XPO6: variants seen among roughly 807,000 people sequenced by gnomAD.
XPO6 encodes exportin-6.
A neutral mutation model predicts 130.0 loss-of-function variants in XPO6; 3 were observed. The ratio of observed to expected loss-of-function variants is 0.02; its 90% CI spans 0.01 to 0.06. The LOEUF (loss-of-function observed/expected upper bound fraction) is 0.06, where lower values mean the gene tolerates loss of function less well. XPO6 is among the 10% of genes least tolerant of loss of function. XPO6 has a pLI of 1.00. For synonymous variants in XPO6, 524 were observed against 548.9 expected (o/e 0.95, Z 0.63); for missense variants, 970 against 1,393.0 (o/e 0.70, Z 4.83).
chr16:28,195,872 A>G (rs1596965804), intron 1 of XPO6, among the ~76,000 whole-genome samples: 2 of 152,204 alleles, frequency 1.3e-5, no homozygotes, highest in East Asian at 1.9e-4. Flanking sequence ...CCGCACATTT[A>G]CTAAGGTCTT....
rs1567600401 is a variant in XPO6, at chr16:28,117,430, T to C, written c.1892A>G (p.Tyr631Cys). 6.2e-7 allele frequency: 1 copy of C among 1,613,956 alleles called. No homozygotes were observed. The highest frequency in any genetic ancestry group is 8.5e-7 in the Non-Finnish European group (1 of 1,180,008). ...GCAATACTGTGCTAACCAGTGAGAGTAAGCCTGCAGCGCAGCCAGGGACTG... is the reference window on the plus strand; with the variant it reads ...GCAATACTGTGCTAACCAGTGAGAGCAAGCCTGCAGCGCAGCCAGGGACTG... The part of the protein sequence containing the change: ...HAQSLAALQA[Y>C]SHWLAQYCSE... Residue 631 changes from tyrosine to cysteine, a missense_variant, in exon 15 of 24, where the codon TAC becomes TGC. Physicochemically the swap from Tyr to Cys is radical, Grantham distance 194 (BLOSUM62 -2). Around this residue, in one of 4 missense-constraint regions of XPO6, gnomAD observed 936 missense variants for 1,306.8 expected, o/e 0.72. Transcript: ENST00000304658.
chr16:28,143,748 T>G (rs530625647), intron 9 of XPO6, among the ~76,000 whole-genome samples: 1 of 152,276 alleles, frequency 6.6e-6, no homozygotes, highest in South Asian at 2.1e-4. Flanking sequence ...GAGATTCTCC[T>G]GCCTCAGCCT....
intron 1 of XPO6, among the ~76,000 whole-genome samples, chr16:28,206,191 T>C (rs1567654474): frequency 6.6e-6 from 1 of 151,760 alleles, no homozygotes; most frequent in Non-Finnish European, 1.5e-5. Flanking sequence ...TATTGTTAGA[T>C]TGTAACCACA....
chr16:28,132,561 C>A lies in XPO6; in HGVS notation c.1537-158G>T, dbSNP rs2042692183. Among the ~76,000 whole-genome samples, 3 of 150,402 alleles carry A rather than the reference C, an allele frequency of 2.0e-5. No individual in the cohort carries two copies. In the South Asian group the frequency reaches 6.3e-4, roughly 32 times the overall value. On this transcript the variant is annotated intron_variant, in intron 11 of 23. Coordinates refer to ENST00000304658, the MANE Select transcript of XPO6 (RefSeq NM_015171.4). This position sits in a 1 kb window ranked among gnomAD's most constrained non-coding sequence, Gnocchi z 4.0. ...TTAAATGCAGCTAAAAAGCTATGAC[C>A]CCCCTTCAGTGCCCCCCAACTAGTT...
At chr16:28,157,412 G>A (rs1403420224) in intron 6 of XPO6, among the ~76,000 whole-genome samples, 1 of 151,994 alleles carries the variant, frequency 6.6e-6, no homozygotes, top group Non-Finnish European at 1.5e-5. Context: ...CTAAGATCAC[G>A]CCATTGCACT....
chr16:28,189,631 C>G (rs11866521), intron 1 of XPO6, among the ~76,000 whole-genome samples: 3 of 151,848 alleles, frequency 2.0e-5, no homozygotes, highest in Admixed American at 2.0e-4. Flanking sequence ...ACAACCACAG[C>G]ATGTAACAGG....
At chr16:28,189,957 C>G (rs573153309) in intron 1 of XPO6, among the ~76,000 whole-genome samples, 4 of 152,326 alleles carry the variant, frequency 2.6e-5, no homozygotes, top group African/African-American at 9.6e-5. Flanking sequence ...CTGTCTCTTC[C>G]TCTAATTACT....
At chr16:28,146,473 C>T (rs947961549) in intron 8 of XPO6, among the ~76,000 whole-genome samples, 4 of 152,198 alleles carry the variant, frequency 2.6e-5, no homozygotes, top group African/African-American at 7.2e-5. Context: ...AAAAACCTAT[C>T]TTAAAATCTG....
At chr16:28,153,666 G>C in intron 7 of XPO6, 6 of 985,336 alleles carry the variant, frequency 6.1e-6, no homozygotes, top group Non-Finnish European at 7.2e-6. Context: ...ATACCAAAAG[G>C]TGATTAGAAA....
intron 21 of XPO6, 78 bp from the exon 22 acceptor site, chr16:28,102,023 G>A: frequency 4.8e-6 from 6 of 1,239,592 alleles, no homozygotes; most frequent in Non-Finnish European, 5.8e-6. Context: ...AGAAGAACAA[G>A]TGCCAGGGCC....
At position 28,106,568 on chromosome 16, in the gene XPO6, C is replaced by A. The variant is rs2074082; in HGVS notation, c.2498-71G>T. 8,958 of 1,253,144 alleles carry A rather than the reference C, an allele frequency of 7.1e-3. 525 individuals carry two copies. The East Asian group carries it at 0.14, about 20-fold the overall frequency. 77.6% of individuals were successfully genotyped at this position (1,253,144 alleles called of 1,614,324 possible). A position where few individuals can be genotyped will look rare whatever the true frequency, so the allele number is the denominator to read the frequency against. Reference sequence around the variant, plus strand: ...GAACCAGAACCCTGGGCTTCATCAACCTACTCCTGAAATCTGCACTATCAG... The same window carrying A: ...GAACCAGAACCCTGGGCTTCATCAAACTACTCCTGAAATCTGCACTATCAG... On this transcript the variant is annotated intron_variant, in intron 18 of 23. Coordinates refer to ENST00000304658, the MANE Select transcript of XPO6 (RefSeq NM_015171.4). The surrounding 1 kb of genome is among the most constrained non-coding windows in gnomAD (Gnocchi z 4.2).
Position 28,206,139 on chromosome 16 carries a change from T to TACACACACACAC in XPO6, c.3+5215_3+5226dup, listed in dbSNP as rs138219018. Among the ~76,000 whole-genome samples, 7 of 142,844 alleles carry TACACACACACAC rather than the reference T, an allele frequency of 4.9e-5. No individual in the cohort carries two copies. The East Asian group carries it at 1.4e-3, about 29-fold the overall frequency. The allele number at this position is 142,844 out of a possible 152,430, so 93.7% of individuals were successfully genotyped here. ...AAGATGCCTGGCATATAGAAAGCAA[T>TACACACACACAC]ACACACACACACACACACACACACA... On this transcript the variant is annotated intron_variant, in intron 1 of 23. Transcript: ENST00000304658.
At chr16:28,128,418 C>T (rs2042602450) in intron 12 of XPO6, among the ~76,000 whole-genome samples, 1 of 152,142 alleles carries the variant, frequency 6.6e-6, no homozygotes, top group Non-Finnish European at 1.5e-5. Context: ...CTTCATTTCG[C>T]ACCTCCACCT....
At chr16:28,211,335 C>T in intron 1 of XPO6, 31 bp downstream of exon 1, 4 of 1,311,972 alleles carry the variant, frequency 3.0e-6, no homozygotes, top group Non-Finnish European at 3.9e-6. Flanking sequence ...TAGGGCACCC[C>T]AGGAGGGAAG....
At position 28,133,369 on chromosome 16, in the gene XPO6, T is replaced by G. The variant is rs914641968; in HGVS notation, c.1536+472A>C. Among the ~76,000 whole-genome samples, 9 of 152,068 alleles carry G rather than the reference T, an allele frequency of 5.9e-5. 1 individual carries two copies. Among genetic ancestry groups the G allele is most frequent in the African/African-American group, 2.2e-4 (9 of 41,426 alleles). On this transcript the variant is annotated intron_variant, in intron 11 of 23. Coordinates refer to ENST00000304658, the MANE Select transcript of XPO6 (RefSeq NM_015171.4). ...AAAAAAAATTACCCTAATAACTGCC[T>G]TGCCTTGAAGAAGTGATGAATTTAA...
At chr16:28,167,408 C>G (rs940807965) in intron 5 of XPO6, 1 of 984,088 alleles carries the variant, frequency 1.0e-6, no homozygotes. Flanking sequence ...CTTCAGCTCA[C>G]CCGACAGACG....
intron 8 of XPO6, among the ~76,000 whole-genome samples, chr16:28,146,597 AC>A (rs1596874672): frequency 6.6e-6 from 1 of 152,144 alleles, no homozygotes; most frequent in African/African-American, 2.4e-5. Context: ...AAGTCCCTTT[AC>A]CCCCAGCCAA....
At chr16:28,134,029 T>C (rs2042727824) in intron 10 of XPO6, 96 bp from the exon 11 acceptor site, 1 of 1,173,208 alleles carries the variant, frequency 8.5e-7, no homozygotes, top group Admixed American at 2.0e-5. Context: ...TTTGAAGAAA[T>C]GGAAAATGAT....
chr16:28,178,769 A>C (rs534613733), intron 2 of XPO6, among the ~76,000 whole-genome samples: 134 of 145,838 alleles, frequency 9.2e-4, no homozygotes, highest in East Asian at 1.8e-3. Context: ...CAAAACAAAA[A>C]AAAAAAAACA....
Sources: gnomAD v4.1 joint callset for allele counts (sites outside exome capture counted in the v4.1 genomes callset) on GRCh38, gnomAD v4.1.1 for gene constraint, gnomAD v4.1.1 regional missense constraint, Gnocchi (gnomAD v3.1) non-coding constraint, MANE v1.5 for transcripts, NCBI Gene and HGNC (gene_info 2026-07-23, HGNC 2026-07-21) for gene names.